Variants in ECE1 observed in about 807,000 individuals in gnomAD.
ECE1 encodes the protein endothelin converting enzyme 1.
A neutral mutation model predicts 98.6 loss-of-function variants in ECE1; 35 were observed. The ratio of observed to expected loss-of-function variants is 0.35; its 90% CI spans 0.27 to 0.47. The LOEUF (loss-of-function observed/expected upper bound fraction) is 0.47. Ranked by LOEUF, ECE1 falls within the 20% of genes least tolerant of loss-of-function variation. ECE1 has a pLI of 1.00. For synonymous variants in ECE1, 394 were observed against 407.1 expected, an observed-to-expected ratio of 0.97 and a Z score of 0.39; for missense variants, 814 against 1,025.3, an observed-to-expected ratio of 0.79 and a Z score of 2.81.
chr1:21,324,296 C>A (rs1467018825), intron 1 of ECE1, among the ~76,000 whole-genome samples: 1 of 152,210 alleles, frequency 6.6e-6, no homozygotes, highest in Non-Finnish European at 1.5e-5. Flanking sequence ...ACCACCACAC[C>A]CGGGCTCATA....
At position 21,255,988 on chromosome 1, in the gene ECE1, C is replaced by A; in HGVS notation, c.979G>T (p.Glu327Ter). 6.2e-7 allele frequency: 1 copy of A among 1,614,164 alleles called. No individual in the cohort carries two copies. Among genetic ancestry groups the A allele is most frequent in the Non-Finnish European group, 8.5e-7 (1 of 1,179,978 alleles). ...ITIPQEKRRDEELIYHKVTAA... is the reference protein window; with the variant it reads ...ITIPQEKRRD ...GTCACTTTGTGGTAGATGAGCTCCT[C>A]ATCACGGCGCTTCTCCTGTGGGATG... The change falls in exon 8 of 19, where the codon GAG (glutamate) becomes TAG (stop). Residue 327 changes from glutamate (E) to a stop codon, truncating the protein, a stop_gained. Coordinates refer to ENST00000374893, the MANE Select transcript of ECE1 (RefSeq NM_001397.3). LOFTEE classifies it high-confidence loss of function.
chr1:21,264,356 C>T lies in ECE1; in HGVS notation c.494-3964G>A, dbSNP rs186286553. Among the ~76,000 whole-genome samples the T allele has an allele frequency of 2.0e-5, 3 of 148,628 alleles. No individual in the cohort carries two copies. In the East Asian group the frequency reaches 6.0e-4, roughly 30 times the overall value. ...TTGACACTGAGTCTCGCTCTGTCGC[C>T]CAGGCTGGAGTGCAGTGGCACGAAC... On this transcript the variant is annotated intron_variant, in intron 4 of 18. Transcript: ENST00000374893.
At chr1:21,341,152 G>GC (rs545609142) in intron 1 of ECE1, among the ~76,000 whole-genome samples, 39 of 152,096 alleles carry the variant, frequency 2.6e-4, no homozygotes, top group African/African-American at 8.7e-4. Context: ...CAATCCCACA[G>GC]CCCCCCGCGT....
At chr1:21,328,285 C>T (rs991867285) in intron 1 of ECE1, among the ~76,000 whole-genome samples, 1 of 152,222 alleles carries the variant, frequency 6.6e-6, no homozygotes, top group African/African-American at 2.4e-5. Flanking sequence ...GCTCCTCTGA[C>T]ATAAACTCCC....
chr1:21,341,916 G>GC (rs1639407333), intron 1 of ECE1, among the ~76,000 whole-genome samples: 1 of 152,014 alleles, frequency 6.6e-6, no homozygotes. Context: ...GGGACTACAA[G>GC]CGTGAGCCAC....
chr1:21,330,971 A>G (rs1639188802), intron 1 of ECE1, among the ~76,000 whole-genome samples: 1 of 152,216 alleles, frequency 6.6e-6, no homozygotes, highest in East Asian at 1.9e-4. Flanking sequence ...GAAGTCAGTT[A>G]TGGAGGAAGC....
chr1:21,253,545 G>A (rs1233060132), intron 8 of ECE1, among the ~76,000 whole-genome samples: 1 of 150,864 alleles, frequency 6.6e-6, no homozygotes, highest in Non-Finnish European at 1.5e-5. Context: ...GGCAACTCAC[G>A]AAGACAGGAG....
chr1:21,279,641 G>A (rs2098252099), intron 2 of ECE1: 5 of 1,422,676 alleles, frequency 3.5e-6, no homozygotes, highest in Non-Finnish European at 4.6e-6. Context: ...CTCCAGTGAG[G>A]AGTTCAAAAA....
chr1:21,317,544 T>C (rs1638856303), intron 1 of ECE1, among the ~76,000 whole-genome samples: 1 of 152,228 alleles, frequency 6.6e-6, no homozygotes, highest in African/African-American at 2.4e-5. Context: ...CTGACCGGGA[T>C]GGAGTCATGG....
chr1:21,283,276 AT>A (rs869310919), intron 2 of ECE1, among the ~76,000 whole-genome samples: 29 of 118,384 alleles, frequency 2.4e-4, no homozygotes, highest in Admixed American at 3.3e-4. Flanking sequence ...TTTTTTTTAA[AT>A]TTTTTTTTTT....
At chr1:21,332,942 C>T (rs11806544) in intron 1 of ECE1, among the ~76,000 whole-genome samples, 8,844 of 152,010 alleles carry the variant, frequency 0.058, 848 homozygotes, top group African/African-American at 0.2. Flanking sequence ...TTAGTGCCAT[C>T]CAATTCTTGG....
At chr1:21,224,483 G>C (rs1037765812) in intron 17 of ECE1, among the ~76,000 whole-genome samples, 7 of 152,068 alleles carry the variant, frequency 4.6e-5, no homozygotes, top group African/African-American at 1.7e-4. Flanking sequence ...AAGGTTTCTG[G>C]GCTCAGTGTG....
At chr1:21,243,133 C>T (rs1176500051) in intron 10 of ECE1, among the ~76,000 whole-genome samples, 1 of 152,200 alleles carries the variant, frequency 6.6e-6, no homozygotes, top group Non-Finnish European at 1.5e-5. Context: ...ATTTCAGAGC[C>T]TCCTCTCCAC....
chr1:21,273,348 T>TGTGC, intron 3 of ECE1, among the ~76,000 whole-genome samples: 1 of 59,008 alleles, frequency 1.7e-5, no homozygotes, highest in African/African-American at 1.4e-4. Flanking sequence ...CGTGTGTGCG[T>TGTGC]GTGTGTGTGT....
At position 21,239,126 on chromosome 1, in the gene ECE1, C is replaced by T. The variant is rs539452691; in HGVS notation, c.1279-882G>A. ...GAGATTACAGGCGTGAGCCACCACA[C>T]CTGGCTCACCGCGGGATTGCAATGC... On this transcript the variant is annotated intron_variant, in intron 10 of 18. Transcript: ENST00000374893. Among the ~76,000 whole-genome samples, 4 of 152,228 alleles carry T rather than the reference C, an allele frequency of 2.6e-5. No individual in the cohort carries two copies. The South Asian group carries it at 8.3e-4, about 32-fold the overall frequency.
chr1:21,321,533 C>A (rs972094544), intron 1 of ECE1, among the ~76,000 whole-genome samples: 2 of 151,976 alleles, frequency 1.3e-5, no homozygotes, highest in African/African-American at 4.8e-5. Context: ...TGAGCACCTA[C>A]GGTGTGTTGG....
At position 21,307,428 on chromosome 1, in the gene ECE1, G is replaced by A. The variant is rs964790454; in HGVS notation, c.4-17272C>T. Among the ~76,000 whole-genome samples, 5 of 152,170 alleles carry A rather than the reference G, an allele frequency of 3.3e-5. No individual in the cohort carries two copies. The highest frequency in any genetic ancestry group is 6.5e-5 in the Admixed American group (1 of 15,284). The stretch of plus-strand genomic sequence containing the variant: ...TGAGGGTGGCAGTGGCTTCCTTGCC[G>A]GGGGTTATGAGCATCTAGTGAGACA... On this transcript the variant is annotated intron_variant, in intron 1 of 18. Transcript: ENST00000415912. This position sits in a 1 kb window ranked among gnomAD's most constrained non-coding sequence, Gnocchi z 4.2.
At chr1:21,232,559 A>G (rs2098183146) in intron 14 of ECE1, among the ~76,000 whole-genome samples, 2 of 152,112 alleles carry the variant, frequency 1.3e-5, no homozygotes, top group Non-Finnish European at 1.5e-5. Flanking sequence ...CTCAGCCTGC[A>G]AAGTGCTGGG....
chr1:21,260,393 C>G lies in ECE1; in HGVS notation c.494-1G>C, dbSNP rs1257708441. 6.2e-7 allele frequency: 1 copy of G among 1,614,096 alleles called. No individual in the cohort carries two copies. The highest frequency in any genetic ancestry group is 8.5e-7 in the Non-Finnish European group (1 of 1,180,050). ...TCGCTCACGCTGGCCGTGGAGTTTT[C>G]TGGAACAACAGACAGTGGAGTTTGC... On this transcript the variant is annotated splice_acceptor_variant, in intron 4 of 18. Transcript: ENST00000374893. LOFTEE classifies it high-confidence loss of function. This position sits in a 1 kb window ranked among gnomAD's most constrained non-coding sequence, Gnocchi z 4.3.
Sources: gnomAD v4.1 joint callset for allele counts (sites outside exome capture counted in the v4.1 genomes callset) on GRCh38, gnomAD v4.1.1 for gene constraint, Gnocchi (gnomAD v3.1) non-coding constraint, MANE v1.5 for transcripts, NCBI Gene and HGNC (gene_info 2026-07-23, HGNC 2026-07-21) for gene names.